The following SLC44A5 variants were observed in gnomAD, a reference collection of about 807,000 sequenced individuals.
The protein encoded by SLC44A5 is choline transporter-like protein 5.
Under a neutral mutation model 101.8 loss-of-function variants are expected in SLC44A5, and 57 were observed. That is an observed-to-expected ratio of 0.56 (90% CI 0.45 to 0.70). The LOEUF (loss-of-function observed/expected upper bound fraction) is 0.70. SLC44A5 is among the 30% of genes least tolerant of loss of function. The pLI is 0.00. For missense variants in SLC44A5, 737 were observed against 853.1 expected, an observed-to-expected ratio of 0.86 and a Z score of 1.70; for synonymous variants, 281 against 290.9, an observed-to-expected ratio of 0.97 and a Z score of 0.35.
At chr1:75,723,289 A>G in the SLC44A5 span, among the ~76,000 whole-genome samples, 190 of 152,268 alleles carry the variant, frequency 1.2e-3, 8 homozygotes, top group East Asian at 0.033. Flanking sequence ...CCTTTGTCTC[A>G]GTGTTGATTT....
chr1:75,333,701 T>C (rs1484406269), intron 4 of SLC44A5, among the ~76,000 whole-genome samples: 2 of 152,172 alleles, frequency 1.3e-5, no homozygotes, highest in Non-Finnish European at 2.9e-5. Context: ...AAGAGATTAA[T>C]GTGATCAGTG....
intron 2 of SLC44A5, among the ~76,000 whole-genome samples, chr1:75,408,452 T>A (rs1432750269): frequency 6.6e-6 from 1 of 152,132 alleles, no homozygotes; most frequent in Non-Finnish European, 1.5e-5. Flanking sequence ...AGCAAAGACT[T>A]GGAACCAACC....
chr1:75,411,795 A>G (rs1218086502), intron 2 of SLC44A5, among the ~76,000 whole-genome samples: 1 of 152,108 alleles, frequency 6.6e-6, no homozygotes, highest in African/African-American at 2.4e-5. Context: ...CTTTTCTGGA[A>G]TCATTTTTTC....
intron 1 of SLC44A5, among the ~76,000 whole-genome samples, chr1:75,579,904 G>A (rs1221816973): frequency 6.6e-6 from 1 of 151,556 alleles, no homozygotes; most frequent in Non-Finnish European, 1.5e-5. Context: ...AATTCAGGAA[G>A]ATAACACAAA....
At chr1:75,686,854 C>T in the SLC44A5 span, among the ~76,000 whole-genome samples, 7 of 152,106 alleles carry the variant, frequency 4.6e-5, no homozygotes, top group East Asian at 3.9e-4. Context: ...ATTTGCTGAA[C>T]GTGGATGTAT....
chr1:75,325,192 G>A (rs1446672219), intron 4 of SLC44A5, among the ~76,000 whole-genome samples: 1 of 152,136 alleles, frequency 6.6e-6, no homozygotes, highest in Non-Finnish European at 1.5e-5. Flanking sequence ...GTTGAAGAGG[G>A]AACATGTGGA....
At chr1:75,279,239 A>T (rs1652184237) in intron 5 of SLC44A5, among the ~76,000 whole-genome samples, 1 of 151,570 alleles carries the variant, frequency 6.6e-6, no homozygotes, top group Admixed American at 6.6e-5. Flanking sequence ...CCACCATTCT[A>T]CTCTGTACCT....
chr1:75,462,918 T>C (rs1666584991), intron 2 of SLC44A5, among the ~76,000 whole-genome samples: 1 of 151,978 alleles, frequency 6.6e-6, no homozygotes, highest in South Asian at 2.1e-4. Context: ...AGAGGGCAAA[T>C]CTAATAGTTA....
At chr1:75,454,177 T>G (rs1666058726) in intron 2 of SLC44A5, among the ~76,000 whole-genome samples, 1 of 152,030 alleles carries the variant, frequency 6.6e-6, no homozygotes. Context: ...GAATCCAGCA[T>G]CACATTAAAA....
chr1:75,407,104 T>C (rs1662925282), intron 2 of SLC44A5, among the ~76,000 whole-genome samples: 1 of 152,062 alleles, frequency 6.6e-6, no homozygotes, highest in Non-Finnish European at 1.5e-5. Context: ...GAACTCCAAT[T>C]CACAATTGCT....
At chr1:75,219,963 A>C in intron 14 of SLC44A5, 71 bp from the exon 15 acceptor site, 1 of 933,460 alleles carries the variant, frequency 1.1e-6, no homozygotes, top group Middle Eastern at 2.2e-4. Context: ...ATTGATTCTA[A>C]GAAAACTGGT....
At chr1:75,470,801 G>A (rs1570375001) in intron 2 of SLC44A5, among the ~76,000 whole-genome samples, 1 of 152,176 alleles carries the variant, frequency 6.6e-6, no homozygotes, top group East Asian at 1.9e-4. Flanking sequence ...GTGGAGAGAT[G>A]TGGGTAAGGA....
chr1:75,388,262 AAAAAG>A (rs1044246727), intron 3 of SLC44A5, among the ~76,000 whole-genome samples: 9 of 151,808 alleles, frequency 5.9e-5, no homozygotes, highest in African/African-American at 2.2e-4. Context: ...TTAAAAAAAA[AAAAAG>A]AAAATTCATT....
chr1:75,253,436 T>C (rs1350388471), intron 6 of SLC44A5, among the ~76,000 whole-genome samples: 1 of 152,096 alleles, frequency 6.6e-6, no homozygotes, highest in Admixed American at 6.5e-5. Context: ...GGCAATGATA[T>C]GAGAAAAATA....
At chr1:75,478,232 T>G (rs1667564254) in intron 2 of SLC44A5, among the ~76,000 whole-genome samples, 1 of 151,962 alleles carries the variant, frequency 6.6e-6, no homozygotes, top group Non-Finnish European at 1.5e-5. Context: ...AGGCCTGCCC[T>G]AAAAGAGCTC....
At chr1:75,418,199 G>T (rs941068189) in intron 2 of SLC44A5, among the ~76,000 whole-genome samples, 1 of 152,182 alleles carries the variant, frequency 6.6e-6, no homozygotes, top group Admixed American at 6.5e-5. Flanking sequence ...AAGCAACAAT[G>T]CAGTGCTCCA....
intron 7 of SLC44A5, among the ~76,000 whole-genome samples, chr1:75,244,423 C>A (rs930991597): frequency 2.6e-5 from 4 of 152,022 alleles, no homozygotes; most frequent in African/African-American, 9.7e-5. Context: ...TCCTTCCTTT[C>A]CTAAATATGA....
chr1:75,319,382 T>A (rs540131918), intron 4 of SLC44A5, among the ~76,000 whole-genome samples: 1 of 152,322 alleles, frequency 6.6e-6, no homozygotes, highest in African/African-American at 2.4e-5. Context: ...ATAAAACTTT[T>A]GAAGTTTGAT....
At chr1:75,564,478 A>G (rs1468567228) in intron 1 of SLC44A5, among the ~76,000 whole-genome samples, 2 of 151,834 alleles carry the variant, frequency 1.3e-5, no homozygotes, top group African/African-American at 4.8e-5. Context: ...AAAGCTTTGT[A>G]ATTAATTTTA....
Sources: allele counts gnomAD v4.1 joint callset (sites outside exome capture counted in the v4.1 genomes callset), GRCh38; gene constraint gnomAD v4.1.1; transcripts MANE v1.5; gene names NCBI Gene and HGNC (gene_info 2026-07-23, HGNC 2026-07-21).